The following STT3B variants were observed in gnomAD, a reference collection of about 807,000 sequenced individuals.
STT3B encodes the protein dolichyl-diphosphooligosaccharide--protein glycosyltransferase subunit STT3B.
In STT3B, 29 loss-of-function variants were observed where a neutral mutation model predicts 96.8. The ratio of observed to expected loss-of-function variants is 0.30; its 90% CI spans 0.22 to 0.41. The LOEUF is 0.41. Among genes scored for constraint, STT3B ranks in the 10% least tolerant of loss-of-function variants. The probability of loss-of-function intolerance (pLI) is 1.00; values close to 1 mark genes in which losing one functional copy is unlikely to be tolerated. For missense variants in STT3B, 640 were observed against 1,022.3 expected (o/e 0.63, Z 5.10); for synonymous variants, 367 against 360.0 (o/e 1.02, Z -0.22).
chr3:31,626,710 G>A (rs895733920), intron 13 of STT3B, among the ~76,000 whole-genome samples: 5 of 152,180 alleles, frequency 3.3e-5, no homozygotes, highest in Admixed American at 6.5e-5. Flanking sequence ...GACCGAGGCC[G>A]ACTAGGTTAT....
At chr3:31,612,892 G>A (rs1191432671) in intron 5 of STT3B, among the ~76,000 whole-genome samples, 1 of 152,162 alleles carries the variant, frequency 6.6e-6, no homozygotes, top group Non-Finnish European at 1.5e-5. Flanking sequence ...CCATATACCT[G>A]CTAGTGATTA....
chr3:31,572,528 T>TAG (rs559883860), intron 1 of STT3B, among the ~76,000 whole-genome samples: 3 of 152,268 alleles, frequency 2.0e-5, no homozygotes, highest in African/African-American at 7.2e-5. Context: ...TTCTTACTAT[T>TAG]GACTAAGTGT....
chr3:31,634,444 A>C (rs1699721859), intron 15 of STT3B, among the ~76,000 whole-genome samples: 1 of 152,222 alleles, frequency 6.6e-6, no homozygotes, highest in Non-Finnish European at 1.5e-5. Flanking sequence ...ATGGATAAAT[A>C]AAACATAATC....
At chr3:31,634,604 A>AG (rs1173634037) in intron 15 of STT3B, among the ~76,000 whole-genome samples, 1 of 152,096 alleles carries the variant, frequency 6.6e-6, no homozygotes, top group African/African-American at 2.4e-5. Context: ...TTGGAGGAGG[A>AG]GGGTATACAT....
rs1193527668 is a variant in STT3B, at chr3:31,579,477, T to TTAAA, written c.424-332_424-331insTAAA. 4.9e-4 allele frequency among the ~76,000 whole-genome samples: 33 copies of TTAAA among 67,448 alleles called. 1 individual carries two copies. Among genetic ancestry groups the TTAAA allele is most frequent in the Admixed American group, 1.6e-3 (8 of 5,014 alleles). 44.2% of individuals were successfully genotyped at this position (67,448 alleles called of 152,430 possible). A position where few individuals can be genotyped will look rare whatever the true frequency, so the allele number is the denominator to read the frequency against. ...AAGCTAGACTAAGACCCTGTTTTGA[T>TTAAA]AAAAAAAAAAAAAAAAAAAAAAAAA... On this transcript the variant is annotated intron_variant, in intron 2 of 15. Coordinates refer to ENST00000295770, the MANE Select transcript of STT3B (RefSeq NM_178862.3).
At chr3:31,588,487 ATGCAC>A (rs78939156) in intron 3 of STT3B, among the ~76,000 whole-genome samples, 6,595 of 152,108 alleles carry the variant, frequency 0.043, 357 homozygotes, top group East Asian at 0.32. Flanking sequence ...AGTCATCTGG[ATGCAC>A]TACATTTCTG....
intron 3 of STT3B, 62 bp from the exon 4 acceptor site, chr3:31,596,736 T>C: frequency 3.0e-6 from 4 of 1,351,482 alleles, no homozygotes; most frequent in Non-Finnish European, 4.2e-6. Context: ...CATTTAACTT[T>C]TAAAAATTCC....
chr3:31,625,106 A>T (rs1699507601), intron 12 of STT3B, 21 bp downstream of exon 12: 2 of 1,599,912 alleles, frequency 1.3e-6, no homozygotes, highest in Middle Eastern at 1.7e-4. Flanking sequence ...ACTAAATACA[A>T]GGTTAAAAAA....
intron 10 of STT3B, 108 bp downstream of exon 10, chr3:31,622,416 C>G: frequency 1.0e-6 from 1 of 965,782 alleles, no homozygotes; most frequent in Non-Finnish European, 1.5e-6. Context: ...ATGATTTGGA[C>G]AAACTGTGAC....
chr3:31,634,513 T>A (rs1273695996), intron 15 of STT3B, among the ~76,000 whole-genome samples: 2 of 152,216 alleles, frequency 1.3e-5, no homozygotes, highest in Non-Finnish European at 2.9e-5. Flanking sequence ...GACATTCTGG[T>A]TTCCATGGCT....
At chr3:31,634,891 A>T (rs1163719060) in intron 15 of STT3B, among the ~76,000 whole-genome samples, 2 of 152,204 alleles carry the variant, frequency 1.3e-5, no homozygotes, top group Non-Finnish European at 2.9e-5. Flanking sequence ...GAAGTTTCTT[A>T]CTTTGTGCCT....
intron 3 of STT3B, among the ~76,000 whole-genome samples, chr3:31,585,161 C>T (rs188901410): frequency 2.0e-5 from 3 of 152,114 alleles, no homozygotes; most frequent in Non-Finnish European, 4.4e-5. Context: ...CTGTTACAAG[C>T]TGGTGTTGAT....
At chr3:31,565,260 C>T (rs1170934822) in intron 1 of STT3B, among the ~76,000 whole-genome samples, 2 of 152,110 alleles carry the variant, frequency 1.3e-5, no homozygotes, top group African/African-American at 4.8e-5. Context: ...AATGCTTTTC[C>T]ATTTCTTCAT....
intron 13 of STT3B, 114 bp from the exon 14 acceptor site, chr3:31,629,184 G>A (rs1699601037): frequency 1.5e-6 from 1 of 668,336 alleles, no homozygotes; most frequent in Non-Finnish European, 2.6e-6. Context: ...AACTGAATAT[G>A]GCTTTATAAA....
Position 31,627,597 on chromosome 3 carries a change from G to A in STT3B, c.2073+1470G>A, listed in dbSNP as rs188077302. Among the ~76,000 whole-genome samples, 83 of 152,342 alleles carry A rather than the reference G, an allele frequency of 5.4e-4. 1 individual carries two copies. In the East Asian group the frequency reaches 0.015, roughly 27 times the overall value. On this transcript the variant is annotated intron_variant, in intron 13 of 15. Transcript: ENST00000295770. ...GATCCAGAATAAAGGAATCTTTTGG[G>A]AAAAATGTATGCAGGTGTCGTGTGA...
chr3:31,549,709 A>G (rs1559361044), intron 1 of STT3B, among the ~76,000 whole-genome samples: 1 of 152,188 alleles, frequency 6.6e-6, no homozygotes, highest in Admixed American at 6.5e-5. Context: ...TTTAGATAAT[A>G]TCTAGTAACA....
intron 3 of STT3B, among the ~76,000 whole-genome samples, chr3:31,588,237 A>G (rs1698589217): frequency 1.3e-5 from 2 of 152,108 alleles, no homozygotes; most frequent in Non-Finnish European, 2.9e-5. Context: ...TAAGATAGTC[A>G]CTGGCCGCAT....
At chr3:31,566,744 C>CT (rs1292377091) in intron 1 of STT3B, among the ~76,000 whole-genome samples, 1 of 152,146 alleles carries the variant, frequency 6.6e-6, no homozygotes, top group Non-Finnish European at 1.5e-5. Flanking sequence ...CCATTTTACT[C>CT]TTTTATTTAT....
At chr3:31,612,429 G>A (rs1403477735) in intron 5 of STT3B, among the ~76,000 whole-genome samples, 1 of 152,222 alleles carries the variant, frequency 6.6e-6, no homozygotes, top group Non-Finnish European at 1.5e-5. Context: ...GGGTATGAAT[G>A]AGACTAATTG....
Sources: gnomAD v4.1 joint callset for allele counts (sites outside exome capture counted in the v4.1 genomes callset) on GRCh38, gnomAD v4.1.1 for gene constraint, MANE v1.5 for transcripts, NCBI Gene and HGNC (gene_info 2026-07-23, HGNC 2026-07-21) for gene names.